Variants in PTPRE observed in about 807,000 individuals in gnomAD.
PTPRE encodes receptor-type tyrosine-protein phosphatase epsilon.
A neutral mutation model predicts 102.0 loss-of-function variants in PTPRE; 51 were observed. The observed-to-expected ratio is 0.50, with a 90% confidence interval of 0.40 to 0.63. The LOEUF is 0.63. Among genes scored for constraint, PTPRE ranks in the 30% least tolerant of loss-of-function variants. The probability of loss-of-function intolerance (pLI) is 0.00; values close to 1 mark genes in which losing one functional copy is unlikely to be tolerated. For synonymous variants in PTPRE, 345 were observed against 348.2 expected (o/e 0.99, Z 0.10); for missense variants, 752 against 915.1 (o/e 0.82, Z 2.30).
In PTPRE at chr10:128,018,972, C is replaced by T. The variant is rs376419564; in HGVS notation, c.-7-21903C>T. 1.2e-4 allele frequency among the ~76,000 whole-genome samples: 19 copies of T among 152,348 alleles called. No homozygotes were observed. In the East Asian group the frequency reaches 3.1e-3, roughly 25 times the overall value. ...GAAATGACTAATGTGCACACTGCAC[C>T]AGGGAAACACCACATTGAAATCAAG... On this transcript the variant is annotated intron_variant, in intron 2 of 20. Transcript: ENST00000254667.
In PTPRE at chr10:128,082,197, T is replaced by TCTC. The variant is rs58070128; in HGVS notation, c.2029-635_2029-634insCTC. ...AGTACTCTGATTTTTTTCTCTTTCT[T>TCTC]TTTTTTTTTTTTTTTTTTTTTTTTT... On this transcript the variant is annotated intron_variant, in intron 20 of 20. Coordinates refer to ENST00000254667, the MANE Select transcript of PTPRE (RefSeq NM_006504.6). Among the ~76,000 whole-genome samples, 88 of 61,840 alleles carry TCTC rather than the reference T, an allele frequency of 1.4e-3. 3 individuals carry two copies. The highest frequency in any genetic ancestry group is 5.6e-3 in the African/African-American group (62 of 11,064). 40.6% of individuals were successfully genotyped at this position (61,840 alleles called of 152,430 possible).
At chr10:127,951,923 A>C (rs1849058284) in intron 1 of PTPRE, among the ~76,000 whole-genome samples, 2 of 152,248 alleles carry the variant, frequency 1.3e-5, no homozygotes, top group African/African-American at 2.4e-5. Context: ...CAATTGCAGC[A>C]GCTGTACCAG....
chr10:128,063,117 A>C lies in PTPRE; in HGVS notation c.660A>C (p.Arg220Ser). The C allele has an allele frequency of 6.2e-7, 1 of 1,614,192 alleles. No individual in the cohort carries two copies. Among genetic ancestry groups the C allele is most frequent in the Non-Finnish European group, 8.5e-7 (1 of 1,180,036 alleles). The change falls in exon 10 of 21, where the codon AGA becomes AGC. Residue 220 changes from arginine to serine, a missense_variant. By Grantham distance (110) the Arg-to-Ser change is moderately radical. This residue lies in a region of PTPRE where 636 missense variants were observed against 824.4 expected (regional missense o/e 0.77). Transcript: ENST00000254667. ...PKQETVNDFWRMVWEQKSATI... is the reference protein window; with the variant it reads ...PKQETVNDFWSMVWEQKSATI... The stretch of plus-strand genomic sequence containing the variant: ...AGGAAACGGTTAACGACTTCTGGAG[A>C]ATGGTCTGGGAGCAAAAGTCTGCGA...
chr10:128,048,759 C>G (rs1848308567), intron 5 of PTPRE, among the ~76,000 whole-genome samples: 1 of 152,118 alleles, frequency 6.6e-6, no homozygotes, highest in South Asian at 2.1e-4. Context: ...CATTCTGATC[C>G]CATCTGTCAC....
At position 127,907,468 on chromosome 10, in the gene PTPRE, C is replaced by T. The variant is rs1384067761; in HGVS notation, c.-31+159C>T. Among the ~76,000 whole-genome samples the T allele has an allele frequency of 6.6e-6, 1 of 151,700 alleles. No individual in the cohort carries two copies. Among genetic ancestry groups the T allele is most frequent in the Non-Finnish European group, 1.5e-5 (1 of 67,846 alleles). ...CCCCGGCCCCGCCGCCCCCGCGGCGCGCCCAGTACCAGCGGCTGGGGCCCG... is the reference window on the plus strand; with the variant it reads ...CCCCGGCCCCGCCGCCCCCGCGGCGTGCCCAGTACCAGCGGCTGGGGCCCG... On this transcript the variant is annotated intron_variant, in intron 1 of 20. Coordinates refer to ENST00000254667, the MANE Select transcript of PTPRE (RefSeq NM_006504.6). This position sits in a 1 kb window ranked among gnomAD's most constrained non-coding sequence, Gnocchi z 4.8.
chr10:128,067,270 GCA>G (rs374992947), intron 11 of PTPRE, among the ~76,000 whole-genome samples: 1,650 of 138,166 alleles, frequency 0.012, 28 homozygotes, highest in African/African-American at 0.042. Flanking sequence ...GCATACATGT[GCA>G]CACACACGCA....
intron 1 of PTPRE, among the ~76,000 whole-genome samples, chr10:127,912,018 G>A (rs543301532): frequency 1.4e-4 from 21 of 152,262 alleles, no homozygotes; most frequent in Middle Eastern, 3.4e-3. Context: ...TTGCGGGGTC[G>A]TTCGCTGCTG....
chr10:127,920,960 G>T (rs920701279), intron 1 of PTPRE, among the ~76,000 whole-genome samples: 1 of 152,176 alleles, frequency 6.6e-6, no homozygotes, highest in South Asian at 2.1e-4. Flanking sequence ...AGTCTCCTTG[G>T]CTCTGACGAG....
intron 2 of PTPRE, among the ~76,000 whole-genome samples, chr10:128,027,355 A>G (rs1846358873): frequency 6.6e-6 from 1 of 152,086 alleles, no homozygotes; most frequent in Non-Finnish European, 1.5e-5. Context: ...TGGGGCCTGC[A>G]TGGTGGAGGG....
intron 1 of PTPRE, among the ~76,000 whole-genome samples, chr10:127,970,483 C>A (rs1850644575): frequency 6.6e-6 from 1 of 152,102 alleles, no homozygotes; most frequent in South Asian, 2.1e-4. Flanking sequence ...CATTACCTGT[C>A]CCCAGGTACA....
At chr10:128,035,273 G>GCA (rs1554930210) in intron 2 of PTPRE, among the ~76,000 whole-genome samples, 2 of 137,186 alleles carry the variant, frequency 1.5e-5, no homozygotes, top group African/African-American at 2.6e-5. Flanking sequence ...ACATATATAT[G>GCA]TATATATATA....
Position 127,968,006 on chromosome 10 carries a change from A to AAGCC in PTPRE, c.-30-14268_-30-14267insAGCC, listed in dbSNP as rs1331605534. The stretch of plus-strand genomic sequence containing the variant: ...TTTTGAATGCCTCCCAGGTTGCTCT[A>AAGCC]TAGGTGTGTGTGTGTGTGTGTGTGT... On this transcript the variant is annotated intron_variant, in intron 1 of 20. Coordinates refer to ENST00000254667, the MANE Select transcript of PTPRE (RefSeq NM_006504.6). Among the ~76,000 whole-genome samples the AAGCC allele has an allele frequency of 5.5e-4, 73 of 133,596 alleles. No individual in the cohort carries two copies. The East Asian group carries it at 0.015, about 27-fold the overall frequency. The allele number at this position is 133,596 out of a possible 152,430, so 87.6% of individuals were successfully genotyped here. A position where few individuals can be genotyped will look rare whatever the true frequency, so the allele number is the denominator to read the frequency against.
chr10:127,986,507 A>T (rs956600425), intron 2 of PTPRE, among the ~76,000 whole-genome samples: 1 of 152,248 alleles, frequency 6.6e-6, no homozygotes, highest in East Asian at 1.9e-4. Context: ...TACCCAAGGA[A>T]TAAAAGAAAA....
intron 2 of PTPRE, among the ~76,000 whole-genome samples, chr10:127,994,265 C>T (rs751727949): frequency 1.3e-5 from 2 of 152,194 alleles, no homozygotes; most frequent in Non-Finnish European, 2.9e-5. Context: ...CGGGGGAGCA[C>T]AGCCAGAGCT....
chr10:128,075,009 C>T (rs1346252128), intron 17 of PTPRE, among the ~76,000 whole-genome samples: 1 of 152,130 alleles, frequency 6.6e-6, no homozygotes, highest in Non-Finnish European at 1.5e-5. Flanking sequence ...CTGTTTATGC[C>T]TACGTAGACT....
intron 16 of PTPRE, chr10:128,072,442 C>A: frequency 7.2e-6 from 3 of 418,844 alleles, no homozygotes; most frequent in South Asian, 4.1e-5. Flanking sequence ...CACTTGGGGT[C>A]AGGAGTTTGA....
rs533079919 is a variant in PTPRE, at chr10:128,067,502, CCA to C, written c.844-616_844-615del. ...CACGTGCGCACATACACACATTCAC[CCA>C]CACATACATGCGCACACATGCACAC... is the stretch of plus-strand genomic sequence containing the variant. On this transcript the variant is annotated intron_variant, in intron 11 of 20. Coordinates refer to ENST00000254667, the MANE Select transcript of PTPRE (RefSeq NM_006504.6). Among the ~76,000 whole-genome samples, 4 of 149,438 alleles carry C rather than the reference CCA, an allele frequency of 2.7e-5. No individual in the cohort carries two copies. In the South Asian group the frequency reaches 6.5e-4, roughly 24 times the overall value.
intron 2 of PTPRE, among the ~76,000 whole-genome samples, chr10:128,039,443 T>C (rs1249539004): frequency 6.6e-6 from 1 of 152,202 alleles, no homozygotes; most frequent in Non-Finnish European, 1.5e-5. Context: ...TGTATGTGGC[T>C]CATTTTACAA....
chr10:128,079,572 G>A lies in PTPRE; in HGVS notation c.1905G>A (p.Gly635=), dbSNP rs552205235. 1.1e-5 allele frequency: 18 copies of A among 1,614,082 alleles called. No homozygotes were observed. In the South Asian group the frequency reaches 1.9e-4, roughly 17 times the overall value. Residue 635 remains glycine, a synonymous_variant, in exon 20 of 21, where the codon GGG becomes GGA. Coordinates refer to ENST00000254667, the MANE Select transcript of PTPRE (RefSeq NM_006504.6). The stretch of plus-strand genomic sequence containing the variant: ...TTTTTCTCTGCAGTGCCGGAGCTGG[G>A]CGAACAGGTACATTCATAGCCCTCA... The part of the protein sequence containing the change: ...PITVHCSAGA[G]RTGTFIALSN...
Sources: allele counts gnomAD v4.1 joint callset (sites outside exome capture counted in the v4.1 genomes callset), GRCh38; gene constraint gnomAD v4.1.1; regional missense constraint gnomAD v4.1.1; non-coding constraint Gnocchi (gnomAD v3.1); transcripts MANE v1.5; gene names NCBI Gene and HGNC (gene_info 2026-07-23, HGNC 2026-07-21).